The following CCSER1 variants were observed in gnomAD, a reference collection of about 807,000 sequenced individuals.
CCSER1 encodes the protein serine-rich coiled-coil domain-containing protein 1.
In CCSER1, 41 loss-of-function variants were observed where a neutral mutation model predicts 82.0. The ratio of observed to expected loss-of-function variants is 0.50; its 90% confidence interval spans 0.39 to 0.65. The LOEUF is 0.65. Among genes scored for constraint, CCSER1 ranks in the 30% least tolerant of loss-of-function variants. CCSER1 has a pLI of 0.00. For synonymous variants in CCSER1, 414 were observed against 383.9 expected (o/e 1.08, Z -0.92); for missense variants, 1,119 against 1,064.2 (o/e 1.05, Z -0.72).
intron 8 of CCSER1, among the ~76,000 whole-genome samples, chr4:90,870,697 A>C (rs1263668515): frequency 6.6e-6 from 1 of 151,396 alleles, no homozygotes; most frequent in Non-Finnish European, 1.5e-5. Flanking sequence ...TACTAGCTTC[A>C]CTGAATGCAT....
intron 5 of CCSER1, among the ~76,000 whole-genome samples, chr4:90,620,568 TAC>T (rs1480098108): frequency 2.0e-5 from 3 of 152,202 alleles, no homozygotes; most frequent in Non-Finnish European, 4.4e-5. Flanking sequence ...AATAAATAGT[TAC>T]ACAGTTAATT....
intron 8 of CCSER1, among the ~76,000 whole-genome samples, chr4:90,922,859 C>A (rs1439861387): frequency 6.6e-6 from 1 of 152,082 alleles, no homozygotes; most frequent in Non-Finnish European, 1.5e-5. Flanking sequence ...CTTCCCTTCC[C>A]TAGTTATCAC....
intron 10 of CCSER1, among the ~76,000 whole-genome samples, chr4:91,455,985 T>G (rs1756146861): frequency 1.3e-5 from 2 of 152,106 alleles, no homozygotes; most frequent in African/African-American, 4.8e-5. Context: ...TCTGTAATTC[T>G]GACCTAAGAT....
At position 90,968,574 on chromosome 4, in the gene CCSER1, A is replaced by G. The variant is rs560364024; in HGVS notation, c.2172+45127A>G. ...TGGCTTTGTAGAATTGAGAGAAGAC[A>G]TACAATACTTAAACTTTTCCTCAAG... On this transcript the variant is annotated intron_variant, in intron 9 of 10. Coordinates refer to ENST00000509176, the MANE Select transcript of CCSER1 (RefSeq NM_001145065.2). 4.6e-5 allele frequency among the ~76,000 whole-genome samples: 7 copies of G among 152,236 alleles called. No homozygotes were observed. The East Asian group carries it at 1.4e-3, about 29-fold the overall frequency.
chr4:90,580,343 G>A (rs1254557307), intron 5 of CCSER1, among the ~76,000 whole-genome samples: 2 of 152,124 alleles, frequency 1.3e-5, no homozygotes, highest in Non-Finnish European at 2.9e-5. Context: ...TGTATAAAAT[G>A]CAAAGTGTTG....
intron 10 of CCSER1, among the ~76,000 whole-genome samples, chr4:91,177,280 C>T (rs1336446010): frequency 1.3e-5 from 2 of 152,118 alleles, no homozygotes; most frequent in Non-Finnish European, 2.9e-5. Flanking sequence ...CTAAAATTCT[C>T]TTTTTCTGCT....
intron 5 of CCSER1, among the ~76,000 whole-genome samples, chr4:90,562,387 T>G (rs1778877056): frequency 6.6e-6 from 1 of 152,064 alleles, no homozygotes; most frequent in African/African-American, 2.4e-5. Flanking sequence ...ATTCTGAATA[T>G]TCCATATGTA....
At chr4:90,575,753 C>T (rs1007387655) in intron 5 of CCSER1, among the ~76,000 whole-genome samples, 1 of 151,932 alleles carries the variant, frequency 6.6e-6, no homozygotes, top group East Asian at 1.9e-4. Flanking sequence ...TTTGTAAATG[C>T]CTTCATTCTA....
chr4:91,417,909 C>T (rs1753461835), intron 10 of CCSER1, among the ~76,000 whole-genome samples: 1 of 151,962 alleles, frequency 6.6e-6, no homozygotes, highest in African/African-American at 2.4e-5. Context: ...AGCCACAAAA[C>T]AAATCCTAAC....
chr4:90,487,823 G>T (rs1767347690), intron 5 of CCSER1, among the ~76,000 whole-genome samples: 1 of 152,096 alleles, frequency 6.6e-6, no homozygotes, highest in Non-Finnish European at 1.5e-5. Context: ...TGTATTTTTA[G>T]TAGAGATGGA....
At chr4:91,262,584 CA>C (rs1741273395) in intron 10 of CCSER1, among the ~76,000 whole-genome samples, 1 of 151,950 alleles carries the variant, frequency 6.6e-6, no homozygotes, top group African/African-American at 2.4e-5. Context: ...TAACTTTCCT[CA>C]ATATAGGTTT....
intron 10 of CCSER1, among the ~76,000 whole-genome samples, chr4:91,412,758 G>T (rs144138467): frequency 1.3e-5 from 2 of 152,104 alleles, no homozygotes; most frequent in East Asian, 1.9e-4. Context: ...GAATGGAAGT[G>T]GTATTTATTC....
intron 10 of CCSER1, among the ~76,000 whole-genome samples, chr4:91,188,497 C>A (rs1734749542): frequency 6.6e-6 from 1 of 152,106 alleles, no homozygotes; most frequent in East Asian, 1.9e-4. Context: ...TAAAGTTGAC[C>A]TCTTACAATT....
chr4:90,157,573 C>G (rs1306750015), intron 1 of CCSER1, among the ~76,000 whole-genome samples: 1 of 152,150 alleles, frequency 6.6e-6, no homozygotes. Context: ...TTGTTCGTTT[C>G]TTTTTATTCT....
chr4:90,770,946 A>T (rs1752005880), intron 7 of CCSER1, among the ~76,000 whole-genome samples: 1 of 152,204 alleles, frequency 6.6e-6, no homozygotes, highest in Non-Finnish European at 1.5e-5. Context: ...AGTTGGAAGA[A>T]AAAACAGTTG....
chr4:91,593,036 T>C (rs564564050), intron 10 of CCSER1, among the ~76,000 whole-genome samples: 10 of 152,204 alleles, frequency 6.6e-5, no homozygotes, highest in African/African-American at 2.2e-4. Flanking sequence ...TAATCAGTGA[T>C]TGAAGTATTT....
rs369004630 is a variant in CCSER1, at chr4:91,277,952, G to T, written c.2217+191958G>T. On this transcript the variant is annotated intron_variant, in intron 10 of 10. Coordinates refer to ENST00000509176, the MANE Select transcript of CCSER1 (RefSeq NM_001145065.2). ...CTTCCTTGACCCAATGGTTATTCAGGAGCATGTTGTTTAATTTCCATTTAT... is the reference window on the plus strand; with the variant it reads ...CTTCCTTGACCCAATGGTTATTCAGTAGCATGTTGTTTAATTTCCATTTAT... Among the ~76,000 whole-genome samples, 3 of 151,812 alleles carry T rather than the reference G, an allele frequency of 2.0e-5. No individual in the cohort carries two copies. The East Asian group carries it at 5.8e-4, about 29-fold the overall frequency.
At chr4:90,530,540 C>G (rs1269736690) in intron 5 of CCSER1, among the ~76,000 whole-genome samples, 1 of 152,166 alleles carries the variant, frequency 6.6e-6, no homozygotes, top group African/African-American at 2.4e-5. Context: ...TTATGGGTTT[C>G]TTTAGCCAAG....
rs187856384 is a variant in CCSER1 at position 91,569,775 on chromosome 4, C to T, written c.2218-28797C>T. Reference sequence around the variant, plus strand: ...GATGAGATGTTGGCTGGAACACAGCCGAACCATATCATTCTGCCCCTGCCT... The same window carrying T: ...GATGAGATGTTGGCTGGAACACAGCTGAACCATATCATTCTGCCCCTGCCT... On this transcript the variant is annotated intron_variant, in intron 10 of 10. Coordinates refer to ENST00000509176, the MANE Select transcript of CCSER1 (RefSeq NM_001145065.2). 4.3e-3 allele frequency among the ~76,000 whole-genome samples: 661 copies of T among 152,210 alleles called. 2 individuals carry two copies. The highest frequency in any genetic ancestry group is 5.7e-3 in the Non-Finnish European group (387 of 68,018).
Sources: gnomAD v4.1 joint callset for allele counts (sites outside exome capture counted in the v4.1 genomes callset) on GRCh38, gnomAD v4.1.1 for gene constraint, MANE v1.5 for transcripts, NCBI Gene and HGNC (gene_info 2026-07-23, HGNC 2026-07-21) for gene names.